Variants in CDH11 observed in about 807,000 individuals in gnomAD.
CDH11 encodes cadherin 11, also known as cadherin-11.
Under a neutral mutation model 67.8 loss-of-function variants are expected in CDH11, and 11 were observed. The ratio of observed to expected loss-of-function variants is 0.16; its 90% CI spans 0.10 to 0.27. The LOEUF (loss-of-function observed/expected upper bound fraction) is 0.27, where lower values mean the gene tolerates loss of function less well. CDH11 is among the 10% of genes least tolerant of loss of function. The pLI, the probability that CDH11 is intolerant of heterozygous loss-of-function variation, is 1.00. For synonymous variants in CDH11, 419 were observed against 400.0 expected (o/e 1.05, Z -0.57); for missense variants, 847 against 1,031.2 (o/e 0.82, Z 2.45).
intron 12 of CDH11, chr16:64,948,705 G>T: frequency 6.2e-7 from 1 of 1,605,722 alleles, no homozygotes; most frequent in Non-Finnish European, 8.5e-7. Context: ...CTTTAACATA[G>T]GAAAATAGCA....
chr16:65,099,748 G>A (rs1422807875), intron 1 of CDH11, among the ~76,000 whole-genome samples: 1 of 152,258 alleles, frequency 6.6e-6, no homozygotes, highest in Middle Eastern at 3.4e-3. Context: ...ATCCAGTCTT[G>A]ACAGAAGCTA....
chr16:65,034,471 C>T (rs1339960581), intron 2 of CDH11, among the ~76,000 whole-genome samples: 1 of 152,142 alleles, frequency 6.6e-6, no homozygotes, highest in African/African-American at 2.4e-5. Flanking sequence ...TGGCCACAGG[C>T]CACATGTACC....
At chr16:65,092,510 C>T in intron 1 of CDH11, among the ~76,000 whole-genome samples, 1 of 152,114 alleles carries the variant, frequency 6.6e-6, no homozygotes, top group Non-Finnish European at 1.5e-5. Flanking sequence ...GCCTTAGTAC[C>T]ACTTGCACAC....
Position 64,946,521 on chromosome 16 carries a change from C to T in CDH11, c.*1082G>A. The stretch of plus-strand genomic sequence containing the variant: ...ACTGACCTAGTTCTTTCACATCCTT[C>T]TTTTTTAGAAGATGTGTGTGAAGAG... On this transcript the variant is annotated 3_prime_UTR_variant, in exon 13 of 13. Transcript: ENST00000268603. The T allele has an allele frequency of 9.7e-7, 1 of 1,030,510 alleles. No individual in the cohort carries two copies. The highest frequency in any genetic ancestry group is 1.7e-5 in the African/African-American group (1 of 59,314). The allele number at this position is 1,030,510 out of a possible 1,614,324, so 63.8% of individuals were successfully genotyped here.
At chr16:65,017,421 T>C (rs2073333590) in intron 2 of CDH11, among the ~76,000 whole-genome samples, 1 of 152,162 alleles carries the variant, frequency 6.6e-6, no homozygotes. Context: ...TAGGGTCTCT[T>C]TTATTCAGAG....
At chr16:65,017,787 T>C (rs1337430508) in intron 2 of CDH11, among the ~76,000 whole-genome samples, 1 of 152,114 alleles carries the variant, frequency 6.6e-6, no homozygotes. Context: ...AGATCACTAG[T>C]TGGTTCACAA....
Position 65,121,774 on chromosome 16 carries a change from C to T in CDH11, c.-298+106G>A. On this transcript the variant is annotated intron_variant, in intron 1 of 12. Transcript: ENST00000268603. The surrounding 1 kb of genome is among the most constrained non-coding windows in gnomAD (Gnocchi z 4.1). ...TTCTCGACTCAGATACCACCGTCCCCCTCACCACCCCGCCCCGCCAAGACA... is the reference window on the plus strand; with the variant it reads ...TTCTCGACTCAGATACCACCGTCCCTCTCACCACCCCGCCCCGCCAAGACA... 2 of 698,978 alleles carry T rather than the reference C, an allele frequency of 2.9e-6. No individual in the cohort carries two copies. The highest frequency in any genetic ancestry group is 3.0e-5 in the South Asian group (2 of 66,760). The allele number at this position is 698,978 out of a possible 1,614,324, so 43.3% of individuals were successfully genotyped here.
intron 11 of CDH11, among the ~76,000 whole-genome samples, chr16:64,954,620 A>G (rs1255938304): frequency 6.6e-6 from 1 of 152,128 alleles, no homozygotes; most frequent in Non-Finnish European, 1.5e-5. Flanking sequence ...TGGGTAGGAG[A>G]CGTGTCTAGC....
At chr16:64,968,333 CTCAGTCTTTTTTTTTT>C in intron 11 of CDH11, 1 of 664,774 alleles carries the variant, frequency 1.5e-6, no homozygotes, top group Non-Finnish European at 1.9e-6. Flanking sequence ...GAGATATTAT[CTCAGTCTTTTTTTTTT>C]CTTTGCACTT....
Position 64,955,109 on chromosome 16 carries a change from G to A in CDH11, c.1643-4091C>T, listed in dbSNP as rs2071473766. The stretch of plus-strand genomic sequence containing the variant: ...AAAATACAAAAAATTAGCTGGGCTT[G>A]GTGGTGGGTGCCTGTAATCCCAGCT... On this transcript the variant is annotated intron_variant, in intron 11 of 12. Transcript: ENST00000268603. Among the ~76,000 whole-genome samples the A allele has an allele frequency of 2.0e-5, 3 of 152,038 alleles. No homozygotes were observed. In the South Asian group the frequency reaches 6.2e-4, roughly 32 times the overall value.
At chr16:65,016,921 C>A (rs1484416862) in intron 2 of CDH11, among the ~76,000 whole-genome samples, 1 of 152,104 alleles carries the variant, frequency 6.6e-6, no homozygotes, top group East Asian at 1.9e-4. Flanking sequence ...GGGTTATTCC[C>A]CTTTATAGAC....
intron 11 of CDH11, among the ~76,000 whole-genome samples, chr16:64,953,561 T>C (rs1038977972): frequency 6.6e-6 from 1 of 152,000 alleles, no homozygotes; most frequent in African/African-American, 2.4e-5. Context: ...TGAAATAGGA[T>C]GAAAAAAATA....
intron 2 of CDH11, among the ~76,000 whole-genome samples, chr16:65,025,578 T>C (rs937911251): frequency 2.0e-5 from 3 of 152,158 alleles, no homozygotes; most frequent in African/African-American, 7.2e-5. Flanking sequence ...CCTGATCTTG[T>C]GATCTACCCA....
At chr16:65,101,661 G>A (rs1194287428) in intron 1 of CDH11, among the ~76,000 whole-genome samples, 1 of 152,076 alleles carries the variant, frequency 6.6e-6, no homozygotes, top group Non-Finnish European at 1.5e-5. Context: ...CAGCCAAGAT[G>A]ATGACTATCT....
chr16:65,005,933 T>G (rs1446035252), intron 2 of CDH11, among the ~76,000 whole-genome samples: 1 of 152,164 alleles, frequency 6.6e-6, no homozygotes, highest in Non-Finnish European at 1.5e-5. Context: ...CAGTAATGCC[T>G]TTCACCTTTC....
chr16:65,050,338 TA>T (rs997788509), intron 2 of CDH11, among the ~76,000 whole-genome samples: 1 of 152,186 alleles, frequency 6.6e-6, no homozygotes, highest in African/African-American at 2.4e-5. Context: ...CACATTTGTT[TA>T]AAGCCTCTCT....
intron 11 of CDH11, among the ~76,000 whole-genome samples, chr16:64,970,519 C>T (rs2071976248): frequency 6.6e-6 from 1 of 152,130 alleles, no homozygotes; most frequent in Non-Finnish European, 1.5e-5. Flanking sequence ...TAATGCCTAC[C>T]TATGGTGGTG....
At chr16:65,069,462 G>A (rs1414261860) in intron 1 of CDH11, among the ~76,000 whole-genome samples, 1 of 152,060 alleles carries the variant, frequency 6.6e-6, no homozygotes, top group African/African-American at 2.4e-5. Flanking sequence ...TAATCTTGTA[G>A]TCACTTCATG....
intron 1 of CDH11, among the ~76,000 whole-genome samples, chr16:65,069,869 T>C (rs147183296): frequency 0.011 from 1,714 of 152,218 alleles, 16 homozygotes; most frequent in Non-Finnish European, 0.018. Context: ...AATTGCACCA[T>C]AGGACTGTGC....
Sources: gnomAD v4.1 joint callset for allele counts (sites outside exome capture counted in the v4.1 genomes callset) on GRCh38, gnomAD v4.1.1 for gene constraint, Gnocchi (gnomAD v3.1) non-coding constraint, MANE v1.5 for transcripts, NCBI Gene and HGNC (gene_info 2026-07-23, HGNC 2026-07-21) for gene names.